Variants in ROBO1 observed in about 807,000 individuals in gnomAD.
ROBO1 encodes the protein roundabout homolog 1.
In ROBO1, 149 loss-of-function variants were observed where a neutral mutation model predicts 195.9. The ratio of observed to expected loss-of-function variants is 0.76; its 90% confidence interval spans 0.67 to 0.87. The LOEUF (loss-of-function observed/expected upper bound fraction) is 0.87, where lower values mean the gene tolerates loss of function less well. Among genes scored for constraint, ROBO1 ranks in the 40% least tolerant of loss-of-function variants. The pLI, the probability that ROBO1 is intolerant of heterozygous loss-of-function variation, is 0.00. For missense variants in ROBO1, 1,933 were observed against 2,068.3 expected, an observed-to-expected ratio of 0.93 and a Z score of 1.27; for synonymous variants, 816 against 733.2, an observed-to-expected ratio of 1.11 and a Z score of -1.82.
At chr3:78,783,408 C>CATCT (rs2083739436) in intron 4 of ROBO1, among the ~76,000 whole-genome samples, 1 of 152,150 alleles carries the variant, frequency 6.6e-6, no homozygotes, top group African/African-American at 2.4e-5. Flanking sequence ...CCAAGGATTT[C>CATCT]ATCTATACCT....
intron 2 of ROBO1, among the ~76,000 whole-genome samples, chr3:79,204,514 A>C (rs1374693133): frequency 4.6e-5 from 7 of 152,046 alleles, no homozygotes; most frequent in African/African-American, 1.7e-4. Flanking sequence ...GAACATTGCT[A>C]TATGTGTTCC....
In ROBO1 at chr3:79,174,707, C is replaced by CA. The variant is rs11323133; in HGVS notation, c.89-49169dup. On this transcript the variant is annotated intron_variant, in intron 2 of 30. Transcript: ENST00000464233. ...TGAAACCCCGTCTCTACTAAAAATA[C>CA]AAAAAAAAAAACTGGTCGGTCATGT... Among the ~76,000 whole-genome samples the CA allele has an allele frequency of 5.7e-3, 821 of 143,292 alleles. 3 individuals carry two copies. Among genetic ancestry groups the CA allele is most frequent in the South Asian group, 9.6e-3 (43 of 4,468 alleles). The allele number at this position is 143,292 out of a possible 152,430, so 94.0% of individuals were successfully genotyped here.
chr3:79,432,178 C>T (rs2038706455), intron 2 of ROBO1, among the ~76,000 whole-genome samples: 1 of 151,996 alleles, frequency 6.6e-6, no homozygotes, highest in African/African-American at 2.4e-5. Context: ...ATCTGAACTC[C>T]TTAATGCCAT....
At chr3:78,992,742 G>A (rs1277473650) in intron 3 of ROBO1, among the ~76,000 whole-genome samples, 1 of 152,018 alleles carries the variant, frequency 6.6e-6, no homozygotes, top group South Asian at 2.1e-4. Flanking sequence ...ACCAAGACAA[G>A]TAAAAAAAGA....
intron 5 of ROBO1, among the ~76,000 whole-genome samples, chr3:78,732,662 G>A (rs778350150): frequency 6.6e-5 from 10 of 152,024 alleles, no homozygotes; most frequent in African/African-American, 9.7e-5. Context: ...GTCATATATC[G>A]AGGTGAGAGA....
At chr3:78,815,116 T>C (rs2084859737) in intron 4 of ROBO1, among the ~76,000 whole-genome samples, 1 of 152,076 alleles carries the variant, frequency 6.6e-6, no homozygotes, top group South Asian at 2.1e-4. Context: ...TTTCCTCTCC[T>C]TGGGCCTTCC....
chr3:79,471,762 A>G (rs1938286637), intron 2 of ROBO1, among the ~76,000 whole-genome samples: 1 of 152,170 alleles, frequency 6.6e-6, no homozygotes, highest in Non-Finnish European at 1.5e-5. Context: ...GCCATAAAAA[A>G]GGATGAGTTC....
At chr3:79,608,370 C>A (rs1001415049) in intron 1 of ROBO1, among the ~76,000 whole-genome samples, 12 of 152,054 alleles carry the variant, frequency 7.9e-5, no homozygotes, top group Non-Finnish European at 1.0e-4. Flanking sequence ...AAGTGTGATC[C>A]TTTTGAGTTC....
At chr3:79,606,313 A>G (rs1279263030) in intron 1 of ROBO1, among the ~76,000 whole-genome samples, 2 of 152,118 alleles carry the variant, frequency 1.3e-5, no homozygotes, top group Non-Finnish European at 1.5e-5. Flanking sequence ...TTCATGAAAT[A>G]GTCTCTTTCA....
At chr3:79,002,072 C>T (rs1403212075) in intron 3 of ROBO1, among the ~76,000 whole-genome samples, 1 of 152,062 alleles carries the variant, frequency 6.6e-6, no homozygotes, top group Admixed American at 6.6e-5. Flanking sequence ...TCATCCCACA[C>T]AGTGACAAGA....
chr3:79,548,133 A>G (rs1415292083), intron 2 of ROBO1, among the ~76,000 whole-genome samples: 1 of 152,170 alleles, frequency 6.6e-6, no homozygotes, highest in Non-Finnish European at 1.5e-5. Flanking sequence ...CATCTGAGAG[A>G]AAAATGCTTG....
chr3:79,481,413 T>C (rs1938852480), intron 2 of ROBO1, among the ~76,000 whole-genome samples: 1 of 152,172 alleles, frequency 6.6e-6, no homozygotes, highest in South Asian at 2.1e-4. Context: ...TATCAATGAC[T>C]TCATCTGTAG....
At chr3:79,341,890 T>C (rs1376042971) in intron 2 of ROBO1, among the ~76,000 whole-genome samples, 1 of 152,198 alleles carries the variant, frequency 6.6e-6, no homozygotes, top group Non-Finnish European at 1.5e-5. Flanking sequence ...ATCATAGTCC[T>C]GTAGGTAATT....
intron 2 of ROBO1, among the ~76,000 whole-genome samples, chr3:79,208,687 A>ATGTGTGTGTGTGTGTG (rs59970776): frequency 6.9e-6 from 1 of 145,214 alleles, no homozygotes; most frequent in African/African-American, 2.5e-5. Flanking sequence ...GTGGTGGGGC[A>ATGTGTGTGTGTGTGTG]TGTGTGTGTG....
chr3:79,258,580 C>T lies in ROBO1; in HGVS notation c.89-133041G>A, dbSNP rs183500322. Among the ~76,000 whole-genome samples, 6 of 152,202 alleles carry T rather than the reference C, an allele frequency of 3.9e-5. No homozygotes were observed. In the East Asian group the frequency reaches 9.6e-4, roughly 24 times the overall value. On this transcript the variant is annotated intron_variant, in intron 2 of 30. Transcript: ENST00000464233. ...TATGCCAATATTAATATTTTGTGCG[C>T]CATGTCATAGCAGCACTGAGAAAGA...
At chr3:78,646,326 C>CGTGGCCGGGCGCGGTGGCTCACGCCT in intron 20 of ROBO1, 136 bp from the exon 21 acceptor site, 1 of 618,164 alleles carries the variant, frequency 1.6e-6, no homozygotes, top group Non-Finnish European at 2.8e-6. Flanking sequence ...AATCACATGA[C>CGTGGCCGGGCGCGGTGGCTCACGCCT]GTAACAGATT....
intron 5 of ROBO1, among the ~76,000 whole-genome samples, chr3:78,737,965 G>A (rs1231558945): frequency 1.3e-5 from 2 of 152,284 alleles, no homozygotes; most frequent in Admixed American, 1.3e-4. Context: ...ACTTCTTAGG[G>A]AAAAGGGGCT....
chr3:79,176,448 C>G (rs1288188866), intron 2 of ROBO1, among the ~76,000 whole-genome samples: 1 of 151,972 alleles, frequency 6.6e-6, no homozygotes, highest in African/African-American at 2.4e-5. Flanking sequence ...TTGTATATAT[C>G]TGAAGATTAT....
At chr3:79,092,686 T>C (rs1183396426) in intron 3 of ROBO1, among the ~76,000 whole-genome samples, 2 of 152,094 alleles carry the variant, frequency 1.3e-5, no homozygotes, top group African/African-American at 4.8e-5. Flanking sequence ...ATGTCAAGGA[T>C]AGAGAAGTTG....
Sources: gnomAD v4.1 joint callset for allele counts (sites outside exome capture counted in the v4.1 genomes callset) on GRCh38, gnomAD v4.1.1 for gene constraint, MANE v1.5 for transcripts, NCBI Gene and HGNC (gene_info 2026-07-23, HGNC 2026-07-21) for gene names.